TSPAN18: variants seen among roughly 807,000 people sequenced by gnomAD.
TSPAN18 encodes tetraspanin 18.
In TSPAN18, 14 loss-of-function variants were observed where a neutral mutation model predicts 27.3. That is an observed-to-expected ratio of 0.51 (90% confidence interval 0.34 to 0.80). The LOEUF (loss-of-function observed/expected upper bound fraction) is 0.80, where lower values mean the gene tolerates loss of function less well. Among genes scored for constraint, TSPAN18 ranks in the 30% least tolerant of loss-of-function variants. The probability of loss-of-function intolerance (pLI) is 0.01; values close to 1 mark genes in which losing one functional copy is unlikely to be tolerated. For missense variants in TSPAN18, 268 were observed against 323.9 expected, an observed-to-expected ratio of 0.83 and a Z score of 1.32; for synonymous variants, 143 against 136.5, an observed-to-expected ratio of 1.05 and a Z score of -0.33.
chr11:44,747,543 C>T (rs1201344018), intron 1 of TSPAN18, among the ~76,000 whole-genome samples: 2 of 152,114 alleles, frequency 1.3e-5, no homozygotes, highest in African/African-American at 2.4e-5. Flanking sequence ...GTTGCCATTA[C>T]GACTGGTTAT....
upstream of TSPAN18, chr11:44,726,950 T>G (rs183982723): frequency 0.063 from 3,385 of 53,630 alleles, 74 homozygotes; most frequent in Middle Eastern, 0.12. Context: ...GCCGGCGGGC[T>G]GGCGGGCGTG....
chr11:44,849,568 G>C (rs1857554677), intron 2 of TSPAN18, among the ~76,000 whole-genome samples: 1 of 152,172 alleles, frequency 6.6e-6, no homozygotes, highest in African/African-American at 2.4e-5. Flanking sequence ...TGGCCTCCCA[G>C]GGATCTCTGA....
intron 2 of TSPAN18, among the ~76,000 whole-genome samples, chr11:44,792,439 G>A (rs1360198832): frequency 6.6e-6 from 1 of 152,184 alleles, no homozygotes; most frequent in African/African-American, 2.4e-5. Flanking sequence ...GGGTGGCCAG[G>A]GAAGGTCATG....
At chr11:44,888,977 T>A (rs1858753451) in intron 3 of TSPAN18, among the ~76,000 whole-genome samples, 1 of 152,240 alleles carries the variant, frequency 6.6e-6, no homozygotes, top group Non-Finnish European at 1.5e-5. Flanking sequence ...GAGTGAATTC[T>A]CACGGGATCT....
chr11:44,858,713 G>C (rs539150055), intron 2 of TSPAN18, among the ~76,000 whole-genome samples: 60 of 152,326 alleles, frequency 3.9e-4, no homozygotes, highest in African/African-American at 1.4e-3. Context: ...CCCCAGATGA[G>C]CTTGTGTGTG....
chr11:44,744,037 G>A (rs1381661847), intron 1 of TSPAN18, among the ~76,000 whole-genome samples: 3 of 152,184 alleles, frequency 2.0e-5, no homozygotes, highest in Non-Finnish European at 4.4e-5. Flanking sequence ...CTGGTTGAGG[G>A]GAGAAAATGA....
At chr11:44,811,453 T>C (rs1856714004) in intron 2 of TSPAN18, among the ~76,000 whole-genome samples, 1 of 94,296 alleles carries the variant, frequency 1.1e-5, no homozygotes, top group African/African-American at 3.9e-5. Context: ...ATGTACCACA[T>C]TTTAGGATTT....
chr11:44,889,600 AT>A lies in TSPAN18; in HGVS notation c.-10-16806del, dbSNP rs1183473055. Among the ~76,000 whole-genome samples, 7 of 152,234 alleles carry A rather than the reference AT, an allele frequency of 4.6e-5. No homozygotes were observed. The South Asian group carries it at 6.2e-4, about 14-fold the overall frequency. On this transcript the variant is annotated intron_variant, in intron 3 of 9. Coordinates refer to ENST00000520358, the MANE Select transcript of TSPAN18 (RefSeq NM_130783.5). The stretch of plus-strand genomic sequence containing the variant: ...GCAGAGGCCAAGAGCCAAAGCCCAC[AT>A]GGGGTGATGTCAGAGAACCTGGGCT...
intron 2 of TSPAN18, among the ~76,000 whole-genome samples, chr11:44,802,189 C>T (rs909641850): frequency 6.6e-6 from 1 of 151,872 alleles, no homozygotes; most frequent in Non-Finnish European, 1.5e-5. Context: ...GGGAAATGGA[C>T]AGTGGAATAC....
At chr11:44,763,454 C>T (rs572119502) in intron 1 of TSPAN18, among the ~76,000 whole-genome samples, 1 of 152,294 alleles carries the variant, frequency 6.6e-6, no homozygotes, top group African/African-American at 2.4e-5. Context: ...TCTAACCCCA[C>T]TGGCATTCTG....
chr11:44,811,552 T>G (rs1283213647), intron 2 of TSPAN18, among the ~76,000 whole-genome samples: 1 of 151,862 alleles, frequency 6.6e-6, no homozygotes, highest in Non-Finnish European at 1.5e-5. Context: ...CTCCACTTCC[T>G]GGGTTCAAGT....
chr11:44,777,014 C>T (rs1481419653), intron 2 of TSPAN18, among the ~76,000 whole-genome samples: 1 of 152,218 alleles, frequency 6.6e-6, no homozygotes, highest in Non-Finnish European at 1.5e-5. Flanking sequence ...GCACTTTACC[C>T]CTCTCTGGGT....
intron 1 of TSPAN18, among the ~76,000 whole-genome samples, chr11:44,750,804 C>T (rs999197952): frequency 3.3e-5 from 5 of 152,208 alleles, no homozygotes; most frequent in Admixed American, 3.3e-4. Context: ...GCTTGCAAGA[C>T]ATCTGGGACA....
intron 2 of TSPAN18, among the ~76,000 whole-genome samples, chr11:44,820,541 T>C (rs1856906203): frequency 6.6e-6 from 1 of 152,222 alleles, no homozygotes; most frequent in South Asian, 2.1e-4. Flanking sequence ...TTTTGGCCAC[T>C]TGCTGTGCAT....
chr11:44,794,231 A>G (rs1462689761), intron 2 of TSPAN18, among the ~76,000 whole-genome samples: 1 of 152,198 alleles, frequency 6.6e-6, no homozygotes, highest in East Asian at 1.9e-4. Flanking sequence ...AGCCTTTACC[A>G]GGTTCACCCC....
At position 44,929,894 on chromosome 11, in the gene TSPAN18, G is replaced by A. The variant is rs1161517787; in HGVS notation, c.*716G>A. ...TCCAGGCTGCTGTCACTGCATCCAG[G>A]ACTCTGTCAGCTCTGCTGCCCACAT... On this transcript the variant is annotated 3_prime_UTR_variant, in exon 10 of 10. Coordinates refer to ENST00000520358, the MANE Select transcript of TSPAN18 (RefSeq NM_130783.5). The A allele has an allele frequency of 1.3e-5, 2 of 152,550 alleles. No homozygotes were observed. Among genetic ancestry groups the A allele is most frequent in the Admixed American group, 6.5e-5 (1 of 15,308 alleles). The allele number at this position is 152,550 out of a possible 1,614,324, so 9.4% of individuals were successfully genotyped here.
upstream of TSPAN18, chr11:44,726,909 G>GAGGGGGAGGGAGGGCGGGGA (rs1854522408): frequency 7.7e-6 from 1 of 129,924 alleles, no homozygotes; most frequent in Admixed American, 7.4e-5. Flanking sequence ...GAGGGCGGGG[G>GAGGGGGAGGGAGGGCGGGGA]AGGGGAGGGA....
At chr11:44,917,847 T>C in intron 5 of TSPAN18, 125 bp from the exon 6 acceptor site, 1 of 759,298 alleles carries the variant, frequency 1.3e-6, no homozygotes, top group East Asian at 2.5e-5. Flanking sequence ...AGCAGTGGAG[T>C]GCCTTAATCT....
intron 1 of TSPAN18, among the ~76,000 whole-genome samples, chr11:44,749,879 A>G (rs531335521): frequency 1.6e-4 from 25 of 151,712 alleles, no homozygotes; most frequent in African/African-American, 5.3e-4. Flanking sequence ...CTCGTGATCC[A>G]CCCGCCTTGG....
Sources: gnomAD v4.1 joint callset for allele counts (sites outside exome capture counted in the v4.1 genomes callset) on GRCh38, gnomAD v4.1.1 for gene constraint, MANE v1.5 for transcripts, NCBI Gene and HGNC (gene_info 2026-07-23, HGNC 2026-07-21) for gene names.